The following GRM3 variants were observed in gnomAD, a reference collection of about 807,000 sequenced individuals.
GRM3 encodes metabotropic glutamate receptor 3.
Under a neutral mutation model 70.5 loss-of-function variants are expected in GRM3, and 26 were observed. The ratio of observed to expected loss-of-function variants is 0.37; its 90% confidence interval spans 0.27 to 0.51. The LOEUF is 0.51. Ranked by LOEUF, GRM3 falls within the 20% of genes least tolerant of loss-of-function variation. The probability of loss-of-function intolerance (pLI) is 0.93; values close to 1 mark genes in which losing one functional copy is unlikely to be tolerated. For missense variants in GRM3, 859 were observed against 1,123.8 expected, an observed-to-expected ratio of 0.76 and a Z score of 3.37; for synonymous variants, 443 against 434.9, an observed-to-expected ratio of 1.02 and a Z score of -0.23.
At chr7:86,696,632 G>C (rs1311719391) in intron 1 of GRM3, among the ~76,000 whole-genome samples, 3 of 152,124 alleles carry the variant, frequency 2.0e-5, no homozygotes, top group Non-Finnish European at 4.4e-5. Flanking sequence ...CTATGCTGTT[G>C]ATAGCTCATC....
At chr7:86,825,374 G>A (rs777153700) in intron 3 of GRM3, among the ~76,000 whole-genome samples, 2 of 152,222 alleles carry the variant, frequency 1.3e-5, no homozygotes, top group African/African-American at 2.4e-5. Flanking sequence ...TTAACGACGT[G>A]TGGATATGCT....
chr7:86,720,390 G>A (rs1319176379), intron 1 of GRM3, among the ~76,000 whole-genome samples: 1 of 152,042 alleles, frequency 6.6e-6, no homozygotes, highest in Non-Finnish European at 1.5e-5. Context: ...CCATTGAGCA[G>A]TTGATTAAAA....
chr7:86,699,984 A>C (rs910229865), intron 1 of GRM3, among the ~76,000 whole-genome samples: 1 of 151,952 alleles, frequency 6.6e-6, no homozygotes, highest in South Asian at 2.1e-4. Flanking sequence ...TTAAGAGGTA[A>C]CCCACACTAG....
intron 1 of GRM3, among the ~76,000 whole-genome samples, chr7:86,737,648 T>C (rs1795895573): frequency 6.6e-6 from 1 of 152,148 alleles, no homozygotes; most frequent in African/African-American, 2.4e-5. Context: ...CTCCAAAAAA[T>C]ACATCTGAAA....
rs141835312 is a variant in GRM3 at position 86,833,649 on chromosome 7, G to A, written c.1325-5190G>A. On this transcript the variant is annotated intron_variant, in intron 3 of 5. Coordinates refer to ENST00000361669, the MANE Select transcript of GRM3 (RefSeq NM_000840.3). The stretch of plus-strand genomic sequence containing the variant: ...TTACCCAGGTCAATATTGCCATTGC[G>A]TTCGAAATAACCGTTCAAGGACAGG... Among the ~76,000 whole-genome samples, 27 of 152,190 alleles carry A rather than the reference G, an allele frequency of 1.8e-4. No individual in the cohort carries two copies. The East Asian group carries it at 4.1e-3, about 23-fold the overall frequency.
At chr7:86,798,690 T>C (rs1215036368) in intron 3 of GRM3, among the ~76,000 whole-genome samples, 1 of 152,114 alleles carries the variant, frequency 6.6e-6, no homozygotes, top group Non-Finnish European at 1.5e-5. Context: ...AAATGCATGA[T>C]TGGTTTTGAA....
intron 3 of GRM3, among the ~76,000 whole-genome samples, chr7:86,791,407 A>C (rs981368712): frequency 6.6e-5 from 10 of 152,172 alleles, no homozygotes; most frequent in African/African-American, 1.7e-4. Flanking sequence ...ACTCTCTTTT[A>C]GTTATATTCT....
chr7:86,756,723 C>T (rs1049123939), intron 1 of GRM3, among the ~76,000 whole-genome samples: 3 of 151,830 alleles, frequency 2.0e-5, no homozygotes, highest in African/African-American at 7.3e-5. Flanking sequence ...TGCTGAGCTC[C>T]TTGGTTTTGT....
chr7:86,821,266 GA>G (rs1317283991), intron 3 of GRM3, among the ~76,000 whole-genome samples: 1 of 151,918 alleles, frequency 6.6e-6, no homozygotes, highest in African/African-American at 2.4e-5. Context: ...GCAATATAAA[GA>G]ACTGCTATAG....
intron 2 of GRM3, among the ~76,000 whole-genome samples, chr7:86,766,229 A>G (rs1796597477): frequency 1.3e-5 from 2 of 152,144 alleles, no homozygotes. Flanking sequence ...CCACTGATGC[A>G]ATCAAACACA....
chr7:86,704,328 G>C (rs183669520), intron 1 of GRM3, among the ~76,000 whole-genome samples: 20 of 151,890 alleles, frequency 1.3e-4, no homozygotes, highest in Admixed American at 3.9e-4. Flanking sequence ...TTATTCATAG[G>C]AATACATTAA....
intron 2 of GRM3, among the ~76,000 whole-genome samples, chr7:86,767,832 T>C (rs1289293832): frequency 6.6e-6 from 1 of 152,044 alleles, no homozygotes. Flanking sequence ...TTTACTCTTT[T>C]ACTACCTATT....
At chr7:86,669,976 A>G (rs963883389) in intron 1 of GRM3, among the ~76,000 whole-genome samples, 2 of 152,158 alleles carry the variant, frequency 1.3e-5, no homozygotes, top group Non-Finnish European at 2.9e-5. Flanking sequence ...ACCAAATCCA[A>G]CAACTTCTCC....
At chr7:86,840,927 T>G (rs1391401756) in intron 4 of GRM3, among the ~76,000 whole-genome samples, 1 of 152,112 alleles carries the variant, frequency 6.6e-6, no homozygotes, top group Non-Finnish European at 1.5e-5. Context: ...AGATACAAAA[T>G]TTCAGTTAGA....
chr7:86,811,521 C>G (rs1797908289), intron 3 of GRM3, among the ~76,000 whole-genome samples: 1 of 151,698 alleles, frequency 6.6e-6, no homozygotes, highest in African/African-American at 2.4e-5. Context: ...TTAGATGACA[C>G]TATTTTACCC....
intron 3 of GRM3, among the ~76,000 whole-genome samples, chr7:86,803,747 G>A (rs1331143766): frequency 6.6e-6 from 1 of 150,962 alleles, no homozygotes; most frequent in Non-Finnish European, 1.5e-5. Context: ...CCCCAGTGTG[G>A]CAAGAGGTGT....
chr7:86,770,897 A>T (rs184362370), intron 2 of GRM3, among the ~76,000 whole-genome samples: 10 of 152,202 alleles, frequency 6.6e-5, no homozygotes, highest in Admixed American at 6.5e-4. Flanking sequence ...TTTGGGCTGG[A>T]TATAAGGCTG....
intron 1 of GRM3, among the ~76,000 whole-genome samples, chr7:86,689,464 T>C (rs1001465515): frequency 1.2e-4 from 19 of 152,048 alleles, no homozygotes; most frequent in African/African-American, 4.6e-4. Flanking sequence ...AAATTCCTAA[T>C]GTAAAAAGGA....
intron 3 of GRM3, among the ~76,000 whole-genome samples, chr7:86,831,807 A>AG (rs1798358882): frequency 6.6e-6 from 1 of 151,818 alleles, no homozygotes; most frequent in Non-Finnish European, 1.5e-5. Context: ...AAAAAAAAAA[A>AG]AAAAAAAGCT....
Sources: gnomAD v4.1 joint callset for allele counts (sites outside exome capture counted in the v4.1 genomes callset) on GRCh38, gnomAD v4.1.1 for gene constraint, MANE v1.5 for transcripts, NCBI Gene and HGNC (gene_info 2026-07-23, HGNC 2026-07-21) for gene names.